The following TAX1BP1 variants were observed in gnomAD, a reference collection of about 807,000 sequenced individuals.
TAX1BP1 encodes Tax1 binding protein 1.
TAX1BP1 carries 62 observed loss-of-function variants against 97.7 expected under a neutral mutation model. That is an observed-to-expected ratio of 0.63 (90% CI 0.52 to 0.78). The LOEUF is 0.78. Among genes scored for constraint, TAX1BP1 ranks in the 30% least tolerant of loss-of-function variants. The pLI, the probability that TAX1BP1 is intolerant of heterozygous loss-of-function variation, is 0.00. For synonymous variants in TAX1BP1, 340 were observed against 304.2 expected (o/e 1.12, Z -1.23); for missense variants, 867 against 916.1 (o/e 0.95, Z 0.69).
intron 3 of TAX1BP1, among the ~76,000 whole-genome samples, chr7:27,763,993 T>C (rs959472107): frequency 6.6e-6 from 1 of 152,250 alleles, no homozygotes; most frequent in Non-Finnish European, 1.5e-5. Context: ...ATGTCTATGA[T>C]ATTTATTTAA....
chr7:27,791,825 T>A (rs1438045067), intron 8 of TAX1BP1, among the ~76,000 whole-genome samples, 181 bp from the exon 9 acceptor site: 1 of 152,154 alleles, frequency 6.6e-6, no homozygotes, highest in East Asian at 1.9e-4. Flanking sequence ...AGGGTTGTTA[T>A]AGAGGGAACC....
intron 5 of TAX1BP1, among the ~76,000 whole-genome samples, chr7:27,777,617 C>T (rs1227470341): frequency 6.6e-6 from 1 of 152,120 alleles, no homozygotes; most frequent in Admixed American, 6.5e-5. Flanking sequence ...GAGGGGGACT[C>T]CTTGCAGATC....
chr7:27,782,937 T>TA, intron 5 of TAX1BP1, among the ~76,000 whole-genome samples: 1 of 152,334 alleles, frequency 6.6e-6, no homozygotes, highest in Non-Finnish European at 1.5e-5. Flanking sequence ...TAAATACTTT[T>TA]AAAATGTGTT....
At chr7:27,760,804 A>G (rs1788398238) in intron 3 of TAX1BP1, among the ~76,000 whole-genome samples, 2 of 152,198 alleles carry the variant, frequency 1.3e-5, no homozygotes, top group African/African-American at 2.4e-5. Flanking sequence ...GCCTATGCAC[A>G]TAGCTTTGGT....
intron 10 of TAX1BP1, among the ~76,000 whole-genome samples, chr7:27,793,933 C>T (rs567474710): frequency 2.6e-5 from 4 of 152,142 alleles, no homozygotes; most frequent in Admixed American, 1.3e-4. Context: ...AGGAGACAAG[C>T]AAGGAATGCA....
intron 13 of TAX1BP1, among the ~76,000 whole-genome samples, chr7:27,806,179 A>AG (rs201889217): frequency 0.012 from 1,773 of 151,082 alleles, 33 homozygotes; most frequent in African/African-American, 0.039. Context: ...TTTGCCTCTC[A>AG]GGTTCAAGCA....
At chr7:27,780,212 CA>C (rs1179814433) in intron 5 of TAX1BP1, among the ~76,000 whole-genome samples, 2 of 152,012 alleles carry the variant, frequency 1.3e-5, no homozygotes, top group Non-Finnish European at 2.9e-5. Flanking sequence ...TTATTAGTAC[CA>C]CTGTTAAGAA....
At chr7:27,809,025 C>T (rs1028135803) in intron 13 of TAX1BP1, among the ~76,000 whole-genome samples, 1 of 151,746 alleles carries the variant, frequency 6.6e-6, no homozygotes, top group Admixed American at 6.6e-5. Flanking sequence ...AAAGGAAACA[C>T]ATTATTGTAG....
rs372404527 is a variant in TAX1BP1, at chr7:27,759,417, T to C, written c.265+1284T>C. ...TGTTAGTGACAAAAATCACAAATAC[T>C]GATAGTAATCAAAGTACATGCTAAA... On this transcript the variant is annotated intron_variant, in intron 3 of 16. Transcript: ENST00000396319. Among the ~76,000 whole-genome samples the C allele has an allele frequency of 1.6e-4, 25 of 152,288 alleles. No individual in the cohort carries two copies. In the South Asian group the frequency reaches 4.8e-3, roughly 29 times the overall value.
chr7:27,750,848 T>G (rs528746756), intron 2 of TAX1BP1, among the ~76,000 whole-genome samples: 1 of 152,320 alleles, frequency 6.6e-6, no homozygotes, highest in South Asian at 2.1e-4. Flanking sequence ...TATCACTAGT[T>G]CATGCCTTCC....
chr7:27,793,199 T>C lies in TAX1BP1; in HGVS notation c.1397T>C (p.Leu466Pro), dbSNP rs764829075. The change falls in exon 10 of 17, where the codon CTT (leucine) becomes CCT (proline). Residue 466 changes from leucine to proline, a missense_variant. Leu to Pro is a moderately conservative substitution (Grantham distance 98). Coordinates refer to ENST00000396319, the MANE Select transcript of TAX1BP1 (RefSeq NM_006024.7). ...AGGCTCCAAAAACAAATAAACAAAC[T>C]TTCAGATCAATCAGTAAGTATCATT... ...CQRLQKQINKLSDQSANNNNV... is the reference protein window; with the variant it reads ...CQRLQKQINKPSDQSANNNNV... The C allele has an allele frequency of 3.2e-6, 5 of 1,583,932 alleles. No individual in the cohort carries two copies. The highest frequency in any genetic ancestry group is 2.8e-5 in the African/African-American group (2 of 72,602).
Position 27,794,270 on chromosome 7 carries a change from G to A in TAX1BP1, c.1411-53G>A, listed in dbSNP as rs544465107. The A allele has an allele frequency of 2.1e-6, 3 of 1,451,614 alleles. No individual in the cohort carries two copies. The East Asian group carries it at 7.1e-5, about 34-fold the overall frequency. The allele number at this position is 1,451,614 out of a possible 1,614,324, so 89.9% of individuals were successfully genotyped here. A position where few individuals can be genotyped will look rare whatever the true frequency, so the allele number is the denominator to read the frequency against. On this transcript the variant is annotated intron_variant, in intron 10 of 16. Coordinates refer to ENST00000396319, the MANE Select transcript of TAX1BP1 (RefSeq NM_006024.7). Reference sequence around the variant, plus strand: ...TTATTTACTTAGTTACTGCAAGGAGGAAATATAACTAATTCATTGACTCAT... The same window carrying A: ...TTATTTACTTAGTTACTGCAAGGAGAAAATATAACTAATTCATTGACTCAT...
At chr7:27,779,090 G>T (rs1370952849) in intron 5 of TAX1BP1, among the ~76,000 whole-genome samples, 1 of 151,594 alleles carries the variant, frequency 6.6e-6, no homozygotes. Flanking sequence ...TGATTTTGAG[G>T]TTCATCCATA....
At chr7:27,800,778 C>T (rs1420111531) in intron 13 of TAX1BP1, among the ~76,000 whole-genome samples, 4 of 152,008 alleles carry the variant, frequency 2.6e-5, no homozygotes, top group African/African-American at 9.7e-5. Context: ...TCTTAGGCAA[C>T]AGACAAGCCC....
At chr7:27,755,920 A>G (rs1409833683) in intron 2 of TAX1BP1, among the ~76,000 whole-genome samples, 1 of 152,122 alleles carries the variant, frequency 6.6e-6, no homozygotes, top group Non-Finnish European at 1.5e-5. Context: ...CCATTTTTCA[A>G]TGTTTGAAAA....
At chr7:27,791,796 G>A (rs1210530314) in intron 8 of TAX1BP1, among the ~76,000 whole-genome samples, 1 of 152,150 alleles carries the variant, frequency 6.6e-6, no homozygotes, top group Non-Finnish European at 1.5e-5. Context: ...TAAAGTAGTA[G>A]CAGTGAAACC....
chr7:27,768,903 A>T (rs1788739803), intron 4 of TAX1BP1, among the ~76,000 whole-genome samples: 1 of 152,012 alleles, frequency 6.6e-6, no homozygotes, highest in African/African-American at 2.4e-5. Flanking sequence ...TTTACCAATT[A>T]AATGTATAAT....
chr7:27,812,527 A>C (rs1359708760), intron 13 of TAX1BP1, among the ~76,000 whole-genome samples: 1 of 152,134 alleles, frequency 6.6e-6, no homozygotes, highest in Admixed American at 6.6e-5. Flanking sequence ...TTAATGCTTC[A>C]TGCTGTTTGT....
In TAX1BP1 at chr7:27,817,005, G is replaced by T. The variant is rs1304454743; in HGVS notation, c.2052G>T (p.Arg684=). Reference sequence around the variant, plus strand: ...GCCAGCCTGCTCGAAACTTTAGTCGGCCTGATGGCTTAGAGGACTCTGAGG... The same window carrying T: ...GCCAGCCTGCTCGAAACTTTAGTCGTCCTGATGGCTTAGAGGACTCTGAGG... The part of the protein sequence containing the change: ...VCSQPARNFS[R]PDGLEDSEDS... Residue 684 remains arginine (R), a synonymous_variant, in exon 15 of 17, where the codon CGG becomes CGT. Transcript: ENST00000396319. 6.2e-7 allele frequency: 1 copy of T among 1,613,844 alleles called. No individual in the cohort carries two copies. The highest frequency in any genetic ancestry group is 8.5e-7 in the Non-Finnish European group (1 of 1,179,954).
Sources: allele counts gnomAD v4.1 joint callset (sites outside exome capture counted in the v4.1 genomes callset), GRCh38; gene constraint gnomAD v4.1.1; transcripts MANE v1.5; gene names NCBI Gene and HGNC (gene_info 2026-07-23, HGNC 2026-07-21).